CNIH3: variants seen among roughly 807,000 people sequenced by gnomAD.
The protein encoded by CNIH3 is cornichon family AMPA receptor auxiliary protein 3.
In CNIH3, 14 loss-of-function variants were observed where a neutral mutation model predicts 24.1. That is an observed-to-expected ratio of 0.58 (90% CI 0.38 to 0.91). The LOEUF (loss-of-function observed/expected upper bound fraction) is 0.91. Ranked by LOEUF, CNIH3 falls within the 40% of genes least tolerant of loss-of-function variation. The pLI is 0.00. For missense variants in CNIH3, 178 were observed against 196.8 expected, an observed-to-expected ratio of 0.90 and a Z score of 0.57; for synonymous variants, 68 against 73.8, an observed-to-expected ratio of 0.92 and a Z score of 0.40.
chr1:224,653,282 C>T (rs758587517), intron 1 of CNIH3, among the ~76,000 whole-genome samples: 4 of 151,984 alleles, frequency 2.6e-5, no homozygotes, highest in Non-Finnish European at 5.9e-5. Context: ...ATTAGCCTGG[C>T]GTGGTGGCAC....
chr1:224,474,707 T>A (rs937777930), intron 1 of CNIH3, among the ~76,000 whole-genome samples: 1 of 151,608 alleles, frequency 6.6e-6, no homozygotes, highest in South Asian at 2.1e-4. Flanking sequence ...TTATCCAGAC[T>A]AAGAAAAAAA....
Position 224,549,523 on chromosome 1 carries a change from G to A in CNIH3, n.450+2584G>A, listed in dbSNP as rs551439884. Among the ~76,000 whole-genome samples the A allele has an allele frequency of 3.3e-5, 5 of 152,034 alleles. No individual in the cohort carries two copies. The South Asian group carries it at 8.3e-4, about 25-fold the overall frequency. On this transcript the variant is annotated intron_variant and non_coding_transcript_variant, in intron 3 of 5. Transcript: ENST00000471578. ...GTGATGATATTTTCTTAATATCACA[G>A]ACTGTATGCACACACTAAATGTTAC...
chr1:224,528,134 C>T (rs1379270494), intron 2 of CNIH3, among the ~76,000 whole-genome samples: 2 of 152,044 alleles, frequency 1.3e-5, no homozygotes, highest in Non-Finnish European at 2.9e-5. Context: ...TCTGGTGGCA[C>T]ATGCCTGTAG....
chr1:224,442,828 G>A (rs1158000882), intron 1 of CNIH3, among the ~76,000 whole-genome samples: 2 of 152,254 alleles, frequency 1.3e-5, no homozygotes, highest in African/African-American at 4.8e-5. Flanking sequence ...GTGTTAGTCC[G>A]AAAAGTAGCC....
rs942502833 is a variant in CNIH3, at chr1:224,616,495, G to C, written c.-680G>C. ...CCGGGACACTTGGGTTGCGGAGGCCGGCTGGCCGGAGTCACGGTTGGGGAC... is the reference window on the plus strand; with the variant it reads ...CCGGGACACTTGGGTTGCGGAGGCCCGCTGGCCGGAGTCACGGTTGGGGAC... On this transcript the variant is annotated 5_prime_UTR_variant, in exon 1 of 6. Coordinates refer to ENST00000272133, the MANE Select transcript of CNIH3 (RefSeq NM_152495.2). 12 of 987,744 alleles carry C rather than the reference G, an allele frequency of 1.2e-5. No individual in the cohort carries two copies. The highest frequency in any genetic ancestry group is 1.7e-5 in the African/African-American group (1 of 57,270). The allele number at this position is 987,744 out of a possible 1,614,324, so 61.2% of individuals were successfully genotyped here.
intron 1 of CNIH3, among the ~76,000 whole-genome samples, chr1:224,463,725 A>G (rs1164554865): frequency 7.8e-6 from 1 of 128,188 alleles, no homozygotes; most frequent in African/African-American, 3.0e-5. Context: ...GTCTTTTATC[A>G]GATATGTGCT....
At chr1:224,651,475 C>T (rs566670967) in intron 1 of CNIH3, among the ~76,000 whole-genome samples, 47 of 152,192 alleles carry the variant, frequency 3.1e-4, no homozygotes, top group Non-Finnish European at 5.4e-4. Flanking sequence ...CCCTTTCCTC[C>T]AGCCACTGTC....
In CNIH3 at chr1:224,574,782, A is replaced by G. The variant is rs182778445; in HGVS notation, n.517-8382A>G. 8.0e-5 allele frequency: 84 copies of G among 1,054,330 alleles called. No individual in the cohort carries two copies. In the Admixed American group the frequency reaches 1.4e-3, roughly 17 times the overall value. The allele number at this position is 1,054,330 out of a possible 1,614,324, so 65.3% of individuals were successfully genotyped here. Reference sequence around the variant, plus strand: ...CCTTATTCGCTGGCCAACCAGCTTCAAGCCTGGGAAGGAATTTTTCCCATT... The same window carrying G: ...CCTTATTCGCTGGCCAACCAGCTTCGAGCCTGGGAAGGAATTTTTCCCATT... On this transcript the variant is annotated intron_variant and non_coding_transcript_variant, in intron 4 of 5. Transcript: ENST00000471578.
chr1:224,520,653 C>T (rs1299194841), intron 1 of CNIH3, among the ~76,000 whole-genome samples: 1 of 152,154 alleles, frequency 6.6e-6, no homozygotes, highest in Non-Finnish European at 1.5e-5. Flanking sequence ...ACAGGAAGTG[C>T]ATGCATAGCT....
chr1:224,507,503 T>TTGCCAAA (rs2124885641), intron 1 of CNIH3, among the ~76,000 whole-genome samples: 1 of 152,332 alleles, frequency 6.6e-6, no homozygotes, highest in South Asian at 2.1e-4. Context: ...TATTTAATGT[T>TTGCCAAA]TGCCAAATAT....
At chr1:224,728,968 G>C (rs998908544) in intron 3 of CNIH3, among the ~76,000 whole-genome samples, 1 of 152,194 alleles carries the variant, frequency 6.6e-6, no homozygotes, top group Non-Finnish European at 1.5e-5. Flanking sequence ...GAATCTATCT[G>C]TATTGGAAGG....
At chr1:224,435,218 G>C (rs1019035805) in intron 1 of CNIH3, 4 of 986,042 alleles carry the variant, frequency 4.1e-6, no homozygotes, top group Non-Finnish European at 4.8e-6. Context: ...TAGGAGCTTC[G>C]ACAGGCAGGA....
At chr1:224,598,453 G>A (rs974610220) in intron 3 of CNIH3, among the ~76,000 whole-genome samples, 3 of 152,176 alleles carry the variant, frequency 2.0e-5, no homozygotes, top group East Asian at 3.8e-4. Flanking sequence ...CATAAACTTG[G>A]TTAATAAAGT....
At chr1:224,583,815 G>T (rs1681379223) in intron 5 of CNIH3, among the ~76,000 whole-genome samples, 1 of 152,196 alleles carries the variant, frequency 6.6e-6, no homozygotes, top group Admixed American at 6.5e-5. Context: ...TACTTTTAAT[G>T]TAATGGAACT....
chr1:224,441,016 C>T (rs1168887394), intron 1 of CNIH3, among the ~76,000 whole-genome samples: 3 of 152,088 alleles, frequency 2.0e-5, no homozygotes, highest in Non-Finnish European at 4.4e-5. Context: ...CAGGGTTTCA[C>T]CGTGTTAGCC....
chr1:224,667,763 A>AAC (rs1553285646), intron 1 of CNIH3, among the ~76,000 whole-genome samples: 1 of 151,952 alleles, frequency 6.6e-6, no homozygotes, highest in African/African-American at 2.4e-5. Context: ...TAAAAAAAAA[A>AAC]AAAACCCATG....
chr1:224,464,835 G>T (rs1572295311), intron 1 of CNIH3, among the ~76,000 whole-genome samples: 1 of 151,936 alleles, frequency 6.6e-6, no homozygotes, highest in Admixed American at 6.6e-5. Flanking sequence ...TTGCTCTATT[G>T]CCCAGGCTGA....
intron 3 of CNIH3, among the ~76,000 whole-genome samples, chr1:224,553,065 G>A (rs993547915): frequency 1.3e-5 from 2 of 149,216 alleles, no homozygotes; most frequent in African/African-American, 4.9e-5. Context: ...TATACACAGG[G>A]TGTACACCCA....
intron 1 of CNIH3, among the ~76,000 whole-genome samples, chr1:224,445,604 TGTGTTGCCTTTCTATTATTGATG>T (rs1675129752): frequency 6.7e-6 from 1 of 148,792 alleles, no homozygotes; most frequent in African/African-American, 2.5e-5. Context: ...AAAGAAAGAT[TGTGTTGCCTTTCTATTATTGATG>T]TGTGGAATTC....
Sources: allele counts gnomAD v4.1 joint callset (sites outside exome capture counted in the v4.1 genomes callset), GRCh38; gene constraint gnomAD v4.1.1; transcripts MANE v1.5; gene names NCBI Gene and HGNC (gene_info 2026-07-23, HGNC 2026-07-21).